The following CCDC167 variants were observed in gnomAD, a reference collection of about 807,000 sequenced individuals.
CCDC167 encodes coiled-coil domain containing 167.
A neutral mutation model predicts 12.7 loss-of-function variants in CCDC167; 15 were observed. The ratio of observed to expected loss-of-function variants is 1.18; its 90% CI spans 0.79 to 1.81. The LOEUF is 1.81. Ranked by LOEUF, CCDC167 falls within the 40% of genes most tolerant of loss-of-function variation. The pLI, the probability that CCDC167 is intolerant of heterozygous loss-of-function variation, is 0.00. For missense variants in CCDC167, 121 were observed against 120.1 expected (o/e 1.01, Z -0.03); for synonymous variants, 52 against 49.0 (o/e 1.06, Z -0.26).
In CCDC167 at chr6:37,495,510, T is replaced by C. The variant is rs182819541; in HGVS notation, c.42+4312A>G. Among the ~76,000 whole-genome samples, 491 of 152,330 alleles carry C rather than the reference T, an allele frequency of 3.2e-3. 5 individuals carry two copies. The highest frequency in any genetic ancestry group is 3.2e-3 in the Non-Finnish European group (220 of 68,028). On this transcript the variant is annotated intron_variant, in intron 1 of 3. Coordinates refer to ENST00000373408, the MANE Select transcript of CCDC167 (RefSeq NM_138493.3). ...GGTGATTTCTCATTTGAACTATAAT[T>C]TTCTTTTCTTATTAAGAATGAAATC...
chr6:37,489,991 A>T (rs531297102), intron 1 of CCDC167, among the ~76,000 whole-genome samples: 31 of 152,370 alleles, frequency 2.0e-4, no homozygotes, highest in African/African-American at 6.7e-4. Flanking sequence ...CCCGTGCATT[A>T]TATTTACACT....
chr6:37,497,930 A>C lies in CCDC167; in HGVS notation c.42+1892T>G, dbSNP rs1762118494. 2.0e-5 allele frequency among the ~76,000 whole-genome samples: 3 copies of C among 152,306 alleles called. No individual in the cohort carries two copies. The South Asian group carries it at 6.2e-4, about 32-fold the overall frequency. On this transcript the variant is annotated intron_variant, in intron 1 of 3. Coordinates refer to ENST00000373408, the MANE Select transcript of CCDC167 (RefSeq NM_138493.3). ...CAAAACAAAACAAAAACAGGGCACT[A>C]AATAGAACACAATAAGGACCCTTGT...
intron 1 of CCDC167, among the ~76,000 whole-genome samples, chr6:37,491,329 T>G (rs1762019039): frequency 6.6e-6 from 1 of 152,172 alleles, no homozygotes; most frequent in Admixed American, 6.5e-5. Flanking sequence ...GGGAGGTGGC[T>G]CTCTGCCCAC....
chr6:37,492,373 G>A (rs189327650), intron 1 of CCDC167, among the ~76,000 whole-genome samples: 1 of 152,146 alleles, frequency 6.6e-6, no homozygotes, highest in African/African-American at 2.4e-5. Flanking sequence ...CTCAGTTTCT[G>A]TCTACATAAC....
chr6:37,484,247 C>CT (rs1761909585), intron 3 of CCDC167, among the ~76,000 whole-genome samples: 1 of 152,184 alleles, frequency 6.6e-6, no homozygotes, highest in Admixed American at 6.5e-5. Context: ...ACCGACAAGT[C>CT]TGAGGAGCAC....
intron 1 of CCDC167, among the ~76,000 whole-genome samples, chr6:37,486,859 C>T (rs1761948541): frequency 6.6e-6 from 1 of 152,098 alleles, no homozygotes; most frequent in Non-Finnish European, 1.5e-5. Flanking sequence ...ACCATGTGGC[C>T]TCCCCTTTAC....
rs992189211 is a variant in CCDC167, at chr6:37,482,976, G to A, written c.*210C>T. 9.5e-6 allele frequency: 6 copies of A among 631,652 alleles called. No homozygotes were observed. Among genetic ancestry groups the A allele is most frequent in the Non-Finnish European group, 1.8e-5 (6 of 337,018 alleles). The allele number at this position is 631,652 out of a possible 1,614,324, so 39.1% of individuals were successfully genotyped here. A position where few individuals can be genotyped will look rare whatever the true frequency, so the allele number is the denominator to read the frequency against. ...CTTTATTGCCTCTCCCTTGGGCTAAGGGAGGGACCAGCACCATGTCCTTCT... is the reference window on the plus strand; with the variant it reads ...CTTTATTGCCTCTCCCTTGGGCTAAAGGAGGGACCAGCACCATGTCCTTCT... On this transcript the variant is annotated 3_prime_UTR_variant, in exon 4 of 4. Transcript: ENST00000373408.
chr6:37,484,203 C>G (rs1761908952), intron 3 of CCDC167, among the ~76,000 whole-genome samples: 1 of 152,182 alleles, frequency 6.6e-6, no homozygotes, highest in Non-Finnish European at 1.5e-5. Context: ...GGGGCTGATT[C>G]ATGGCCAGGC....
chr6:37,495,801 T>G (rs890500711), intron 1 of CCDC167, among the ~76,000 whole-genome samples: 6 of 152,206 alleles, frequency 3.9e-5, no homozygotes, highest in African/African-American at 1.4e-4. Context: ...ACTCGTCAGA[T>G]TAACAAACAT....
Position 37,499,834 on chromosome 6 carries a change from G to C in CCDC167, c.30C>G (p.Gly10=), listed in dbSNP as rs747885488. 1 of 1,614,102 alleles carries C rather than the reference G, an allele frequency of 6.2e-7. No homozygotes were observed. Among genetic ancestry groups the C allele is most frequent in the South Asian group, 1.1e-5 (1 of 91,076 alleles). ...CTTTTCCCCTCACCTCTAGAGCGAC[G>C]CCCAGATTCTCCCGCTTCTTTTTAG... MTKKKRENL[G]VALEIDGLEE... Residue 10 remains glycine (G), a synonymous_variant, in exon 1 of 4, where the codon GGC becomes GGG. Coordinates refer to ENST00000373408, the MANE Select transcript of CCDC167 (RefSeq NM_138493.3).
intron 1 of CCDC167, among the ~76,000 whole-genome samples, chr6:37,497,230 A>G (rs1581768926): frequency 6.6e-6 from 1 of 152,214 alleles, no homozygotes; most frequent in African/African-American, 2.4e-5. Flanking sequence ...CCTGGTAGCT[A>G]TGTCCTATAA....
chr6:37,494,963 C>G (rs1762079803), intron 1 of CCDC167, among the ~76,000 whole-genome samples: 1 of 151,974 alleles, frequency 6.6e-6, no homozygotes, highest in African/African-American at 2.4e-5. Context: ...CCACTCCTGG[C>G]TAATTTTTGT....
At chr6:37,495,230 G>T (rs1235657157) in intron 1 of CCDC167, among the ~76,000 whole-genome samples, 1 of 152,174 alleles carries the variant, frequency 6.6e-6, no homozygotes, top group African/African-American at 2.4e-5. Flanking sequence ...ATCCAACCAA[G>T]TTATCCACTT....
chr6:37,496,941 T>A (rs1231171245), intron 1 of CCDC167, among the ~76,000 whole-genome samples: 1 of 152,208 alleles, frequency 6.6e-6, no homozygotes, highest in Admixed American at 6.5e-5. Context: ...TTCTCCTCTT[T>A]CTCTGCCGGT....
chr6:37,489,639 G>A (rs1381601471), intron 1 of CCDC167, among the ~76,000 whole-genome samples: 1 of 152,224 alleles, frequency 6.6e-6, no homozygotes, highest in African/African-American at 2.4e-5. Context: ...CAGCAGGTGA[G>A]GCCCAGCAGC....
intron 1 of CCDC167, 54 bp from the exon 2 acceptor site, chr6:37,485,248 A>G: frequency 7.3e-7 from 1 of 1,375,232 alleles, no homozygotes; most frequent in South Asian, 1.2e-5. Context: ...CTCTCAAAAC[A>G]CTGGGACTGG....
chr6:37,485,724 C>T (rs936424628), intron 1 of CCDC167, among the ~76,000 whole-genome samples: 2 of 152,252 alleles, frequency 1.3e-5, no homozygotes, highest in African/African-American at 4.8e-5. Context: ...CATACTTCAT[C>T]TTAATAACTT....
intron 1 of CCDC167, among the ~76,000 whole-genome samples, chr6:37,498,378 A>T (rs1762123206): frequency 6.6e-6 from 1 of 152,150 alleles, no homozygotes; most frequent in African/African-American, 2.4e-5. Context: ...TCTTCCCGCC[A>T]CAAAGTACCA....
At chr6:37,492,626 C>A (rs1421514559) in intron 1 of CCDC167, among the ~76,000 whole-genome samples, 1 of 152,236 alleles carries the variant, frequency 6.6e-6, no homozygotes, top group Non-Finnish European at 1.5e-5. Context: ...CCCAGCAGTA[C>A]CGAAGCCTTC....
Sources: allele counts gnomAD v4.1 joint callset (sites outside exome capture counted in the v4.1 genomes callset), GRCh38; gene constraint gnomAD v4.1.1; transcripts MANE v1.5; gene names NCBI Gene and HGNC (gene_info 2026-07-23, HGNC 2026-07-21).